The following LDHC variants were observed in gnomAD, a reference collection of about 807,000 sequenced individuals.
The protein encoded by LDHC is L-lactate dehydrogenase C chain.
In LDHC, 20 loss-of-function variants were observed where a neutral mutation model predicts 30.2. That is an observed-to-expected ratio of 0.66 (90% CI 0.47 to 0.96). The LOEUF is 0.96. Ranked by LOEUF, LDHC falls within the 40% of genes least tolerant of loss-of-function variation. The pLI is 0.00. For missense variants in LDHC, 362 were observed against 394.9 expected, an observed-to-expected ratio of 0.92 and a Z score of 0.71; for synonymous variants, 139 against 132.7, an observed-to-expected ratio of 1.05 and a Z score of -0.32.
At chr11:18,420,094 GAAC>G in intron 3 of LDHC, among the ~76,000 whole-genome samples, 1 of 151,672 alleles carries the variant, frequency 6.6e-6, no homozygotes, top group Middle Eastern at 3.4e-3. Flanking sequence ...CTCCGTCTTA[GAAC>G]AACAACAACA....
In LDHC at chr11:18,436,487, T is replaced by TG. The variant is rs1250585786; in HGVS notation, c.592+1574_592+1575insG. On this transcript the variant is annotated intron_variant, in intron 5 of 7. Coordinates refer to ENST00000541669, the MANE Select transcript of LDHC (RefSeq NM_017448.5). ...TCCTTTGGGATAATACAAAGTTTTT[T>TG]TTTTTTTTTTTTTTTTGAGACAGAG... Among the ~76,000 whole-genome samples, 36 of 145,908 alleles carry TG rather than the reference T, an allele frequency of 2.5e-4. 1 individual carries two copies. The East Asian group carries it at 4.1e-3, about 17-fold the overall frequency.
intron 7 of LDHC, 54 bp from the exon 8 acceptor site, chr11:18,450,909 A>G (rs569711986): frequency 3.0e-6 from 4 of 1,341,830 alleles, no homozygotes; most frequent in East Asian, 2.4e-5. Context: ...GCCCTTTTGC[A>G]TAGCTGCTTT....
chr11:18,451,248 A>T lies in LDHC; in HGVS notation c.*121A>T. On this transcript the variant is annotated 3_prime_UTR_variant, in exon 8 of 8. Transcript: ENST00000541669. ...TAAAAACAAATTGGAGACCTGTGAC[A>T]TAACTCTAGTCTCTCAAGATTAGAA... 1.7e-6 allele frequency: 1 copy of T among 602,858 alleles called. No individual in the cohort carries two copies. The highest frequency in any genetic ancestry group is 4.1e-5 in the Admixed American group (1 of 24,116). The allele number at this position is 602,858 out of a possible 1,614,324, so 37.3% of individuals were successfully genotyped here. A position where few individuals can be genotyped will look rare whatever the true frequency, so the allele number is the denominator to read the frequency against.
intron 3 of LDHC, among the ~76,000 whole-genome samples, chr11:18,420,681 G>A (rs1228203422): frequency 6.8e-6 from 1 of 146,282 alleles, no homozygotes; most frequent in Admixed American, 6.9e-5. Context: ...GTGAATGAAG[G>A]TGTTTTCAGA....
intron 2 of LDHC, among the ~76,000 whole-genome samples, chr11:18,413,611 T>C (rs534107133): frequency 6.6e-6 from 1 of 152,002 alleles, no homozygotes; most frequent in South Asian, 2.1e-4. Context: ...TACAGGCATG[T>C]GCCACCACGC....
intron 6 of LDHC, 29 bp downstream of exon 6, chr11:18,438,674 C>T: frequency 1.8e-6 from 2 of 1,111,920 alleles, no homozygotes; most frequent in Non-Finnish European, 2.8e-6. Context: ...TTTCTTAATG[C>T]CTTAATAGTC....
At chr11:18,446,406 A>G in intron 7 of LDHC, 73 bp downstream of exon 7, 2 of 1,093,170 alleles carry the variant, frequency 1.8e-6, no homozygotes, top group Non-Finnish European at 1.4e-6. Context: ...TATGCCAGGC[A>G]GTGTACAAGA....
chr11:18,419,074 C>T (rs1867073877), intron 3 of LDHC, among the ~76,000 whole-genome samples: 2 of 152,114 alleles, frequency 1.3e-5, no homozygotes, highest in Non-Finnish European at 2.9e-5. Context: ...GGGAGATCAC[C>T]CCACAAACCT....
chr11:18,448,659 C>T (rs547190560), intron 7 of LDHC, among the ~76,000 whole-genome samples: 1 of 152,172 alleles, frequency 6.6e-6, no homozygotes, highest in Non-Finnish European at 1.5e-5. Context: ...TTTTTTCTTT[C>T]TTTCCCACTT....
intron 3 of LDHC, among the ~76,000 whole-genome samples, chr11:18,423,517 T>C (rs1010463971): frequency 6.6e-6 from 1 of 152,068 alleles, no homozygotes; most frequent in African/African-American, 2.4e-5. Flanking sequence ...ATGGAAAAAA[T>C]AAATTGATAC....
At chr11:18,437,771 A>G (rs1848382778) in intron 5 of LDHC, among the ~76,000 whole-genome samples, 1 of 151,300 alleles carries the variant, frequency 6.6e-6, no homozygotes, top group African/African-American at 2.4e-5. Flanking sequence ...AAAAAAAGAA[A>G]AAGAAATACC....
At chr11:18,417,150 C>G (rs1047475834) in intron 3 of LDHC, among the ~76,000 whole-genome samples, 20 of 152,122 alleles carry the variant, frequency 1.3e-4, no homozygotes, top group African/African-American at 4.3e-4. Flanking sequence ...TCCCAAAGTG[C>G]TGGGATTACA....
chr11:18,421,437 G>C (rs1365552260), intron 3 of LDHC, among the ~76,000 whole-genome samples: 1 of 152,040 alleles, frequency 6.6e-6, no homozygotes. Context: ...ACTTTGGGAG[G>C]CTAGACAGGC....
chr11:18,438,453 A>G, intron 5 of LDHC, 75 bp from the exon 6 acceptor site: 1 of 964,462 alleles, frequency 1.0e-6, no homozygotes. Flanking sequence ...ACTTAACTTA[A>G]AAAAACAACA....
chr11:18,412,629 C>G (rs1416881009), intron 1 of LDHC, 80 bp from the exon 2 acceptor site: 3 of 1,340,338 alleles, frequency 2.2e-6, no homozygotes, highest in Non-Finnish European at 3.1e-6. Flanking sequence ...ATCCCCGGCT[C>G]CAACATTCTG....
chr11:18,412,469 G>T, intron 1 of LDHC, 61 bp downstream of exon 1: 1 of 416,670 alleles, frequency 2.4e-6, no homozygotes, highest in Non-Finnish European at 4.4e-6. Flanking sequence ...ATTTGTGAGC[G>T]TGTGGTGCTG....
chr11:18,415,503 C>T (rs1867000365), intron 3 of LDHC, among the ~76,000 whole-genome samples: 1 of 152,138 alleles, frequency 6.6e-6, no homozygotes, highest in South Asian at 2.1e-4. Context: ...GCGATCTTGG[C>T]TCACTGCAAC....
intron 2 of LDHC, 37 bp downstream of exon 2, chr11:18,412,880 T>A: frequency 6.2e-7 from 1 of 1,600,802 alleles, no homozygotes. Flanking sequence ...GAAAATCAAG[T>A]GAGCACTTCA....
intron 3 of LDHC, among the ~76,000 whole-genome samples, chr11:18,421,054 TA>T (rs1848039066): frequency 6.6e-6 from 1 of 152,140 alleles, no homozygotes; most frequent in Non-Finnish European, 1.5e-5. Flanking sequence ...TTCAAATTTT[TA>T]TATTTTATTT....
Sources: allele counts gnomAD v4.1 joint callset (sites outside exome capture counted in the v4.1 genomes callset), GRCh38; gene constraint gnomAD v4.1.1; transcripts MANE v1.5; gene names NCBI Gene and HGNC (gene_info 2026-07-23, HGNC 2026-07-21).